Variants in BAZ2B observed in about 807,000 individuals in gnomAD.
BAZ2B encodes the protein bromodomain adjacent to zinc finger domain 2B.
Under a neutral mutation model 246.0 loss-of-function variants are expected in BAZ2B, and 91 were observed. That is an observed-to-expected ratio of 0.37 (90% CI 0.31 to 0.44). The LOEUF (loss-of-function observed/expected upper bound fraction) is 0.44, where lower values mean the gene tolerates loss of function less well. Ranked by LOEUF, BAZ2B falls within the 20% of genes least tolerant of loss-of-function variation. The pLI, the probability that BAZ2B is intolerant of heterozygous loss-of-function variation, is 1.00. For missense variants in BAZ2B, 2,332 were observed against 2,533.7 expected, an observed-to-expected ratio of 0.92 and a Z score of 1.71; for synonymous variants, 855 against 860.0, an observed-to-expected ratio of 0.99 and a Z score of 0.10.
chr2:159,496,551 G>A (rs2081171679), intron 2 of BAZ2B, among the ~76,000 whole-genome samples: 1 of 148,272 alleles, frequency 6.7e-6, no homozygotes, highest in African/African-American at 2.5e-5. Flanking sequence ...TGGAGGCCAA[G>A]GTGGGCGGAT....
chr2:159,711,121 GT>G, the BAZ2B span, among the ~76,000 whole-genome samples: 4 of 152,156 alleles, frequency 2.6e-5, no homozygotes, highest in Non-Finnish European at 5.9e-5. Flanking sequence ...AGAGGCAGGG[GT>G]GGAATTTGAA....
the BAZ2B span, among the ~76,000 whole-genome samples, chr2:159,677,541 G>T: frequency 6.6e-6 from 1 of 152,058 alleles, no homozygotes; most frequent in Non-Finnish European, 1.5e-5. Context: ...GAAAAAAATT[G>T]CTCTGTGTCT....
chr2:159,464,610 G>T (rs1053251000), intron 3 of BAZ2B: 4 of 152,128 alleles, frequency 2.6e-5, no homozygotes, highest in Non-Finnish European at 4.4e-5. Context: ...AAGTCACTGG[G>T]AGCCGCGGTA....
At chr2:159,638,093 C>T in the BAZ2B span, among the ~76,000 whole-genome samples, 2 of 152,278 alleles carry the variant, frequency 1.3e-5, no homozygotes, top group South Asian at 2.1e-4. Flanking sequence ...AGAGAGACTC[C>T]GTTTGTCTGG....
At chr2:159,482,605 A>C (rs78344167) in intron 2 of BAZ2B, among the ~76,000 whole-genome samples, 2,126 of 152,212 alleles carry the variant, frequency 0.014, 45 homozygotes, top group African/African-American at 0.049. Context: ...CTTACCATGG[A>C]ATTATATTTT....
chr2:159,315,555 G>A (rs1399027302), downstream of BAZ2B, among the ~76,000 whole-genome samples: 1 of 152,218 alleles, frequency 6.6e-6, no homozygotes, highest in Non-Finnish European at 1.5e-5. Flanking sequence ...GGCTGCTAAA[G>A]CATCCTCATA....
At chr2:159,337,227 C>A (rs535450613) in intron 32 of BAZ2B, 150 bp from the exon 33 acceptor site, 3 of 1,105,064 alleles carry the variant, frequency 2.7e-6, no homozygotes, top group Non-Finnish European at 2.6e-6. Context: ...TGATGTAGTG[C>A]ACAGACTGTG....
At chr2:159,512,415 T>C (rs2083025400) in intron 2 of BAZ2B, among the ~76,000 whole-genome samples, 2 of 152,166 alleles carry the variant, frequency 1.3e-5, no homozygotes, top group South Asian at 4.1e-4. Flanking sequence ...CCACTTACGT[T>C]CACTTTTACA....
At chr2:159,604,520 A>G (rs1232020443) in intron 1 of BAZ2B, among the ~76,000 whole-genome samples, 3 of 152,244 alleles carry the variant, frequency 2.0e-5, no homozygotes, top group African/African-American at 7.2e-5. Context: ...CCAGTATGAT[A>G]AGCCTGCCTT....
the BAZ2B span, chr2:159,712,211 T>C: frequency 2.0e-5 from 3 of 151,306 alleles, no homozygotes; most frequent in African/African-American, 7.3e-5. Context: ...TCAGAGACTA[T>C]AGACGGGCGG....
intron 20 of BAZ2B, among the ~76,000 whole-genome samples, chr2:159,391,072 G>C (rs1005138255): frequency 2.6e-5 from 4 of 152,076 alleles, no homozygotes; most frequent in Non-Finnish European, 5.9e-5. Flanking sequence ...CTGAAATTTC[G>C]ATTCTTAAAC....
rs1045423078 is a variant in BAZ2B, at chr2:159,558,423, A to AT, written c.-45-2559dup. Among the ~76,000 whole-genome samples the AT allele has an allele frequency of 1.2e-4, 18 of 151,648 alleles. 1 individual carries two copies. Among genetic ancestry groups the AT allele is most frequent in the South Asian group, 6.3e-4 (3 of 4,792 alleles). The stretch of plus-strand genomic sequence containing the variant: ...AGGCATGCGCCACCATGCCTGGCTA[A>AT]TTTTTTTTGTATTTTTAGTAGAGAC... On this transcript the variant is annotated intron_variant, in intron 1 of 36. Coordinates refer to ENST00000392783, the MANE Select transcript of BAZ2B (RefSeq NM_013450.4).
In BAZ2B at chr2:159,395,824, C is replaced by A; in HGVS notation, c.3020G>T (p.Arg1007Leu). 6.2e-7 allele frequency: 1 copy of A among 1,610,784 alleles called. No individual in the cohort carries two copies. The highest frequency in any genetic ancestry group is 8.5e-7 in the Non-Finnish European group (1 of 1,178,186). Residue 1007 changes from arginine to leucine, a missense_variant, in exon 20 of 37, where the codon CGA (arginine) becomes CTA (leucine). By Grantham distance (102) the Arg-to-Leu change is moderately radical. Coordinates refer to ENST00000392783, the MANE Select transcript of BAZ2B (RefSeq NM_013450.4). ...AVLLKHQERE[R>L]RRQHMMLMKA... ...CATAAGCATCATGTGTTGTCGCCTT[C>A]GCTCTCGTTCCTATTAGGCCAGATA...
At chr2:159,574,463 T>C (rs944981536) in intron 1 of BAZ2B, among the ~76,000 whole-genome samples, 1 of 152,174 alleles carries the variant, frequency 6.6e-6, no homozygotes, top group Non-Finnish European at 1.5e-5. Context: ...GAAAACATTT[T>C]GGCAGTTTCT....
chr2:159,332,488 A>C, intron 34 of BAZ2B, 52 bp downstream of exon 34: 2 of 1,530,972 alleles, frequency 1.3e-6, no homozygotes, highest in Non-Finnish European at 1.8e-6. Flanking sequence ...GTATTAAAAA[A>C]ATAATAAAAA....
In BAZ2B at chr2:159,405,080, C is replaced by T. The variant is rs996913210; in HGVS notation, c.2712G>A (p.Leu904=). ...CCTGTTCCTGCTTTTGAAGTTTTCTCAAAAGCTTTATTTGTGCTGCTTGCC... is the reference window on the plus strand; with the variant it reads ...CCTGTTCCTGCTTTTGAAGTTTTCTTAAAAGCTTTATTTGTGCTGCTTGCC... ...IARQAAQIKL[L]RKLQKQEQAR... Residue 904 remains leucine (L), a synonymous_variant, in exon 15 of 37, where the codon TTG becomes TTA. Coordinates refer to ENST00000392783, the MANE Select transcript of BAZ2B (RefSeq NM_013450.4). 5 of 1,613,918 alleles carry T rather than the reference C, an allele frequency of 3.1e-6. No homozygotes were observed. The African/African-American group carries it at 6.7e-5, about 22-fold the overall frequency.
At chr2:159,377,812 CAAAAAAA>C (rs35570732) in intron 25 of BAZ2B, among the ~76,000 whole-genome samples, 1 of 94,202 alleles carries the variant, frequency 1.1e-5, no homozygotes, top group Non-Finnish European at 2.2e-5. Flanking sequence ...ACTCTGTCTC[CAAAAAAA>C]AAAAAAAAAA....
At chr2:159,677,002 TTTTAAAAATTGAG>T in the BAZ2B span, among the ~76,000 whole-genome samples, 1 of 140,682 alleles carries the variant, frequency 7.1e-6, no homozygotes, top group Non-Finnish European at 1.5e-5. Flanking sequence ...ATATTACAAT[TTTTAAAAATTGAG>T]TTGTCAATTA....
intron 3 of BAZ2B, among the ~76,000 whole-genome samples, chr2:159,475,898 G>GT (rs1432164077): frequency 2.0e-5 from 3 of 152,186 alleles, no homozygotes; most frequent in Non-Finnish European, 4.4e-5. Flanking sequence ...ATTGCTGCCT[G>GT]TTCCTTCCTC....
Sources: gnomAD v4.1 joint callset for allele counts (sites outside exome capture counted in the v4.1 genomes callset) on GRCh38, gnomAD v4.1.1 for gene constraint, MANE v1.5 for transcripts, NCBI Gene and HGNC (gene_info 2026-07-23, HGNC 2026-07-21) for gene names.